ABHD5: variants seen among roughly 807,000 people sequenced by gnomAD.
The protein encoded by ABHD5 is abhydrolase domain containing 5, lysophosphatidic acid acyltransferase.
A neutral mutation model predicts 44.9 loss-of-function variants in ABHD5; 30 were observed. The ratio of observed to expected loss-of-function variants is 0.67; its 90% confidence interval spans 0.50 to 0.91. The LOEUF is 0.91. Among genes scored for constraint, ABHD5 ranks in the 40% least tolerant of loss-of-function variants. The pLI is 0.00. For synonymous variants in ABHD5, 167 were observed against 147.0 expected, an observed-to-expected ratio of 1.14 and a Z score of -0.99; for missense variants, 399 against 423.4, an observed-to-expected ratio of 0.94 and a Z score of 0.50.
intron 3 of ABHD5, among the ~76,000 whole-genome samples, 174 bp downstream of exon 3, chr3:43,702,761 G>T (rs1310377898): frequency 1.3e-5 from 2 of 152,162 alleles, no homozygotes; most frequent in Admixed American, 1.3e-4. Context: ...AATCATGTCA[G>T]ATCTTCCTAT....
chr3:43,732,860 G>A (rs544200722), intron 7 of ABHD5, among the ~76,000 whole-genome samples: 1 of 152,294 alleles, frequency 6.6e-6, no homozygotes, highest in African/African-American at 2.4e-5. Context: ...TCCTCTTTGA[G>A]TGAGGAAGGA....
At position 43,699,428 on chromosome 3, in the gene ABHD5, C is replaced by G. The variant is rs2084512766; in HGVS notation, c.133+67C>G. The G allele has an allele frequency of 2.2e-5, 30 of 1,392,054 alleles. 1 individual carries two copies. In the South Asian group the frequency reaches 2.9e-4, roughly 14 times the overall value. The allele number at this position is 1,392,054 out of a possible 1,614,324, so 86.2% of individuals were successfully genotyped here. On this transcript the variant is annotated intron_variant, in intron 2 of 6. Coordinates refer to ENST00000644371, the MANE Select transcript of ABHD5 (RefSeq NM_016006.6). ...GATAGGTCCAATATATCTCATTGCC[C>G]TGAAACTGGAGGTAAGATTCTGTGG...
chr3:43,708,096 CATCTTCA>C (rs1165714390), intron 3 of ABHD5, among the ~76,000 whole-genome samples: 1 of 152,206 alleles, frequency 6.6e-6, no homozygotes, highest in Non-Finnish European at 1.5e-5. Context: ...CTCTGCTCAC[CATCTTCA>C]AACTCAAGGC....
chr3:43,707,568 C>G (rs1371887360), intron 3 of ABHD5: 1 of 152,240 alleles, frequency 6.6e-6, no homozygotes, highest in Middle Eastern at 3.4e-3. Flanking sequence ...GACTAGAGTT[C>G]TTTCTGATTA....
At chr3:43,709,515 G>GCAGACTGAA (rs2084662104) in intron 3 of ABHD5, among the ~76,000 whole-genome samples, 1 of 152,140 alleles carries the variant, frequency 6.6e-6, no homozygotes, top group Admixed American at 6.5e-5. Flanking sequence ...AGAGCTTAGA[G>GCAGACTGAA]CAAGATCCAT....
downstream of ABHD5, among the ~76,000 whole-genome samples, chr3:43,726,953 CTT>C (rs1373486059): frequency 1.1e-4 from 17 of 152,252 alleles, no homozygotes; most frequent in Non-Finnish European, 2.1e-4. Flanking sequence ...CATATGCTGT[CTT>C]TTGGTGGCAC....
intron 3 of ABHD5, among the ~76,000 whole-genome samples, chr3:43,703,480 C>G (rs1160972152): frequency 6.6e-6 from 1 of 152,110 alleles, no homozygotes; most frequent in Admixed American, 6.5e-5. Flanking sequence ...CACCCAGCCC[C>G]TTTACGTTAT....
chr3:43,714,507 CAAG>C (rs1478339184), intron 4 of ABHD5, among the ~76,000 whole-genome samples: 1 of 152,030 alleles, frequency 6.6e-6, no homozygotes, highest in Non-Finnish European at 1.5e-5. Flanking sequence ...GCTAGTGTCC[CAAG>C]AAGAAGCTGA....
chr3:43,702,129 AT>A, intron 2 of ABHD5, 85 bp from the exon 3 acceptor site: 1 of 1,198,686 alleles, frequency 8.3e-7, no homozygotes, highest in Non-Finnish European at 1.2e-6. Flanking sequence ...ATACTAGATG[AT>A]TTGTAATTTT....
At chr3:43,698,742 C>T (rs755083137) in intron 1 of ABHD5, among the ~76,000 whole-genome samples, 27 of 152,188 alleles carry the variant, frequency 1.8e-4, no homozygotes, top group Admixed American at 9.2e-4. Flanking sequence ...GTACGCAGAC[C>T]AGCCTCCCAC....
intron 1 of ABHD5, among the ~76,000 whole-genome samples, chr3:43,698,934 A>G (rs980859193): frequency 1.3e-5 from 2 of 152,042 alleles, no homozygotes; most frequent in South Asian, 2.1e-4. Context: ...CTTTTTTTGC[A>G]CTTCTACCCC....
downstream of ABHD5, among the ~76,000 whole-genome samples, chr3:43,725,680 T>G (rs2084872521): frequency 1.3e-5 from 2 of 152,160 alleles, no homozygotes; most frequent in African/African-American, 4.8e-5. Context: ...TGAGAGTTCT[T>G]AAGCTGGTTT....
chr3:43,723,305 A>C (rs1002639737), downstream of ABHD5, among the ~76,000 whole-genome samples: 1 of 152,230 alleles, frequency 6.6e-6, no homozygotes, highest in Admixed American at 6.5e-5. Context: ...TTGTGTATCA[A>C]GTTACCCTGA....
downstream of ABHD5, among the ~76,000 whole-genome samples, chr3:43,726,495 T>G (rs1203843989): frequency 2.6e-5 from 4 of 152,174 alleles, no homozygotes; most frequent in Non-Finnish European, 4.4e-5. Context: ...TGCAGGAGAC[T>G]GCTGAGGGAC....
Position 43,720,463 on chromosome 3 carries a change from T to C in ABHD5, c.*1931T>C, listed in dbSNP as rs2084820674. On this transcript the variant is annotated 3_prime_UTR_variant, in exon 7 of 7. Coordinates refer to ENST00000644371, the MANE Select transcript of ABHD5 (RefSeq NM_016006.6). ...AGTGATAATTTATTTTCCTACAGACTGAATTTGCTTTATTTGAAAGATGTT... is the reference window on the plus strand; with the variant it reads ...AGTGATAATTTATTTTCCTACAGACCGAATTTGCTTTATTTGAAAGATGTT... The C allele has an allele frequency of 6.6e-6, 1 of 152,216 alleles. No homozygotes were observed. Among genetic ancestry groups the C allele is most frequent in the Non-Finnish European group, 1.5e-5 (1 of 68,032 alleles). 9.4% of individuals were successfully genotyped at this position (152,216 alleles called of 1,614,324 possible).
At chr3:43,731,966 G>A (rs932866358) in intron 7 of ABHD5, among the ~76,000 whole-genome samples, 3 of 152,094 alleles carry the variant, frequency 2.0e-5, no homozygotes, top group African/African-American at 7.2e-5. Context: ...CATGTGCCCA[G>A]GAAGCTGAGA....
chr3:43,702,253 T>C lies in ABHD5; in HGVS notation c.172T>C (p.Ser58Pro). 1 of 1,596,018 alleles carries C rather than the reference T, an allele frequency of 6.3e-7. No homozygotes were observed. Among genetic ancestry groups the C allele is most frequent in the Non-Finnish European group, 8.6e-7 (1 of 1,168,412 alleles). Residue 58 changes from serine to proline, a missense_variant, in exon 3 of 7, where the codon TCT (serine) becomes CCT (proline). By Grantham distance (74) the Ser-to-Pro change is moderately conservative. Coordinates refer to ENST00000644371, the MANE Select transcript of ABHD5 (RefSeq NM_016006.6). Reference sequence around the variant, plus strand: ...ATACAAAAAAGAACCTGTTCGTATATCTAATGGAAATAAAATATGGACACT... The same window carrying C: ...ATACAAAAAAGAACCTGTTCGTATACCTAATGGAAATAAAATATGGACACT... ...CTYKKEPVRI[S>P]NGNKIWTLKF...
At chr3:43,731,093 G>A (rs1313782531) in intron 7 of ABHD5, among the ~76,000 whole-genome samples, 1 of 152,064 alleles carries the variant, frequency 6.6e-6, no homozygotes, top group African/African-American at 2.4e-5. Context: ...CTCCCAAAGT[G>A]CTGGGATTAC....
At chr3:43,699,887 C>G (rs1260783172) in intron 2 of ABHD5, 1 of 156,548 alleles carries the variant, frequency 6.4e-6, no homozygotes, top group Non-Finnish European at 1.4e-5. Flanking sequence ...TACTTTATAC[C>G]TATTAGAGAA....
Sources: allele counts gnomAD v4.1 joint callset (sites outside exome capture counted in the v4.1 genomes callset), GRCh38; gene constraint gnomAD v4.1.1; transcripts MANE v1.5; gene names NCBI Gene and HGNC (gene_info 2026-07-23, HGNC 2026-07-21).